The following TNRC6A variants were observed in gnomAD, a reference collection of about 807,000 sequenced individuals.
TNRC6A encodes trinucleotide repeat containing adaptor 6A.
In TNRC6A, 44 loss-of-function variants were observed where a neutral mutation model predicts 221.2. The ratio of observed to expected loss-of-function variants is 0.20; its 90% confidence interval spans 0.16 to 0.26. TNRC6A has a LOEUF of 0.26. TNRC6A is among the 10% of genes least tolerant of loss of function. The pLI is 1.00. For missense variants in TNRC6A, 2,199 were observed against 2,404.4 expected (o/e 0.91, Z 1.79); for synonymous variants, 847 against 838.5 (o/e 1.01, Z -0.18).
chr16:24,633,116 C>T (rs912556712), intron 1 of TNRC6A, among the ~76,000 whole-genome samples: 2 of 152,258 alleles, frequency 1.3e-5, no homozygotes, highest in Admixed American at 1.3e-4. Flanking sequence ...CTGTTGCAGC[C>T]ACAGTGGCTG....
chr16:24,705,467 G>A (rs1471810131), intron 2 of TNRC6A, among the ~76,000 whole-genome samples: 1 of 152,166 alleles, frequency 6.6e-6, no homozygotes, highest in African/African-American at 2.4e-5. Flanking sequence ...AAGTAGCTGG[G>A]ATTACAGGCA....
chr16:24,771,582 T>TTTTATGTTATGTTATGTTATGTTGTGA lies in TNRC6A; in HGVS notation c.164-5350_164-5349insTTATGTTATGTTATGTTATGTTGTGAT. On this transcript the variant is annotated intron_variant, in intron 4 of 24. Coordinates refer to ENST00000395799, the MANE Select transcript of TNRC6A (RefSeq NM_014494.4). The stretch of plus-strand genomic sequence containing the variant: ...ATGTTTTATGTTATGTTATGTTATG[T>TTTTATGTTATGTTATGTTATGTTGTGA]TGTTATGTTATGTTATGTTATGTTA... Among the ~76,000 whole-genome samples the TTTTATGTTATGTTATGTTATGTTGTGA allele has an allele frequency of 3.2e-3, 307 of 95,488 alleles. 4 individuals are homozygous for TTTTATGTTATGTTATGTTATGTTGTGA. The highest frequency in any genetic ancestry group is 4.9e-3 in the Admixed American group (40 of 8,126). 62.6% of individuals were successfully genotyped at this position (95,488 alleles called of 152,430 possible). A position where few individuals can be genotyped will look rare whatever the true frequency, so the allele number is the denominator to read the frequency against.
intron 2 of TNRC6A, among the ~76,000 whole-genome samples, chr16:24,680,237 T>C (rs1280189887): frequency 6.7e-6 from 1 of 148,718 alleles, no homozygotes; most frequent in Non-Finnish European, 1.5e-5. Context: ...CTGGGCAACA[T>C]AGCAAGACCC....
chr16:24,613,884 G>A (rs556565953), intron 1 of TNRC6A, among the ~76,000 whole-genome samples: 2 of 151,978 alleles, frequency 1.3e-5, no homozygotes, highest in Non-Finnish European at 2.9e-5. Context: ...TTTGCAATAC[G>A]AAAAAATGAA....
rs779458507 is a variant in TNRC6A, at chr16:24,797,893, A to G, written c.3643-22A>G. On this transcript the variant is annotated intron_variant, in intron 10 of 24. Transcript: ENST00000395799. ...CATTGATAAATTAAGGTCTGCTAAC[A>G]TGCTGCATTTTCTTTCTTCAGAGAG... 5.0e-6 allele frequency: 8 copies of G among 1,598,290 alleles called. No individual in the cohort carries two copies. The South Asian group carries it at 8.0e-5, about 16-fold the overall frequency.
intron 5 of TNRC6A, among the ~76,000 whole-genome samples, chr16:24,782,743 G>A (rs8047655): frequency 0.19 from 28,243 of 152,030 alleles, 2,724 homozygotes; most frequent in African/African-American, 0.21. Context: ...TTAGCCAGGC[G>A]TGGTGGCGGG....
chr16:24,777,338 A>G lies in TNRC6A; in HGVS notation c.569A>G (p.Gln190Arg). 1 of 1,610,752 alleles carries G rather than the reference A, an allele frequency of 6.2e-7. No homozygotes were observed. The highest frequency in any genetic ancestry group is 8.5e-7 in the Non-Finnish European group (1 of 1,179,244). ...CAGCCACAAAATAACGGAGAGGTGC[A>G]GAACAGCAAAAACCAGTCAGGTGAG... is the stretch of plus-strand genomic sequence containing the variant. ...NQQPQNNGEV[Q>R]NSKNQSDINH... Residue 190 changes from glutamine to arginine, a missense_variant, in exon 5 of 25, where the codon CAG (glutamine) becomes CGG (arginine). Gln to Arg is a conservative substitution (Grantham distance 43, BLOSUM62 1). Transcript: ENST00000395799.
At chr16:24,781,694 G>A (rs963782563) in intron 5 of TNRC6A, among the ~76,000 whole-genome samples, 3 of 151,958 alleles carry the variant, frequency 2.0e-5, no homozygotes, top group Admixed American at 6.6e-5. Context: ...CTCCTCCTGC[G>A]TTCCTTTGCT....
Position 24,806,249 on chromosome 16 carries a change from TGCCTTCTGGGAACCG to T in TNRC6A, c.4299_4313del (p.Ser1434_Pro1438del). ...CAAAGGGCGCAGAGTCAGAGAAGCGTGCCTTCTGGGAACCGGCCGCAGCAAGACCAGCAGGTAGAG... is the reference window on the plus strand; with the variant it reads ...CAAAGGGCGCAGAGTCAGAGAAGCGTGCCGCAGCAAGACCAGCAGGTAGAG... On this transcript the variant is annotated inframe_deletion, in exon 16 of 25. Transcript: ENST00000395799. 6.2e-7 allele frequency: 1 copy of T among 1,614,202 alleles called. No individual in the cohort carries two copies. Among genetic ancestry groups the T allele is most frequent in the African/African-American group, 1.3e-5 (1 of 75,072 alleles).
intron 2 of TNRC6A, among the ~76,000 whole-genome samples, chr16:24,666,639 GAAAAA>G (rs1164353374): frequency 0.013 from 410 of 31,270 alleles, 2 homozygotes; most frequent in East Asian, 0.07. Flanking sequence ...CTGTCTTAGA[GAAAAA>G]AAAAAAAAAA....
chr16:24,814,165 C>T (rs574871144), intron 18 of TNRC6A, among the ~76,000 whole-genome samples: 17 of 152,236 alleles, frequency 1.1e-4, no homozygotes, highest in African/African-American at 4.1e-4. Flanking sequence ...GGACCAGCTT[C>T]ATCATCCCTG....
intron 7 of TNRC6A, among the ~76,000 whole-genome samples, 188 bp downstream of exon 7, chr16:24,793,837 CTT>C (rs907644043): frequency 2.6e-5 from 4 of 152,138 alleles, no homozygotes; most frequent in East Asian, 1.9e-4. Flanking sequence ...GAATTTTCCT[CTT>C]TTCTCATATT....
At chr16:24,664,642 A>G (rs2055111927) in intron 2 of TNRC6A, among the ~76,000 whole-genome samples, 1 of 136,126 alleles carries the variant, frequency 7.3e-6, no homozygotes, top group South Asian at 2.5e-4. Context: ...ATTAATAAAT[A>G]TATTTATTAA....
At chr16:24,694,853 A>G (rs2055826911) in intron 2 of TNRC6A, among the ~76,000 whole-genome samples, 1 of 151,816 alleles carries the variant, frequency 6.6e-6, no homozygotes, top group Non-Finnish European at 1.5e-5. Flanking sequence ...GGATCATTTG[A>G]GCCCAGGCGG....
intron 2 of TNRC6A, among the ~76,000 whole-genome samples, chr16:24,666,907 G>A (rs957298213): frequency 1.3e-5 from 2 of 151,436 alleles, no homozygotes; most frequent in African/African-American, 4.8e-5. Flanking sequence ...TTTGGGATCA[G>A]GAGTTCGAGA....
At chr16:24,627,502 G>C (rs58881255) in intron 1 of TNRC6A, among the ~76,000 whole-genome samples, 2 of 151,652 alleles carry the variant, frequency 1.3e-5, no homozygotes, top group Non-Finnish European at 2.9e-5. Context: ...GACCTCTCTC[G>C]CTCTTAATAT....
chr16:24,754,994 T>C (rs539218492), intron 3 of TNRC6A, among the ~76,000 whole-genome samples: 2 of 152,324 alleles, frequency 1.3e-5, no homozygotes, highest in African/African-American at 4.8e-5. Flanking sequence ...GCAGCTTAAT[T>C]AGTAAATTTT....
At chr16:24,809,027 C>T (rs898882644) in intron 17 of TNRC6A, among the ~76,000 whole-genome samples, 2 of 152,070 alleles carry the variant, frequency 1.3e-5, no homozygotes, top group East Asian at 3.9e-4. Flanking sequence ...AATTTGCAAG[C>T]AAAAGATAGC....
At chr16:24,610,702 C>G (rs1022852788) in intron 1 of TNRC6A, among the ~76,000 whole-genome samples, 1 of 152,152 alleles carries the variant, frequency 6.6e-6, no homozygotes, top group Non-Finnish European at 1.5e-5. Flanking sequence ...TCGCTGTCCT[C>G]CCTCTCCCTT....
Sources: allele counts gnomAD v4.1 joint callset (sites outside exome capture counted in the v4.1 genomes callset), GRCh38; gene constraint gnomAD v4.1.1; transcripts MANE v1.5; gene names NCBI Gene and HGNC (gene_info 2026-07-23, HGNC 2026-07-21).